OMA1: variants seen among roughly 807,000 people sequenced by gnomAD.
OMA1 encodes OMA1 zinc metallopeptidase.
Under a neutral mutation model 30.9 loss-of-function variants are expected in OMA1, and 38 were observed. That is an observed-to-expected ratio of 1.23 (90% CI 0.95 to 1.61). OMA1 has a LOEUF of 1.61. Ranked by LOEUF, OMA1 falls within the 40% of genes most tolerant of loss-of-function variation. OMA1 has a pLI of 0.00. For synonymous variants in OMA1, 173 were observed against 121.9 expected (o/e 1.42, Z -2.76); for missense variants, 461 against 349.2 (o/e 1.32, Z -2.55).
At chr1:58,542,222 T>C (rs1646633921) in intron 1 of OMA1, among the ~76,000 whole-genome samples, 1 of 152,180 alleles carries the variant, frequency 6.6e-6, no homozygotes, top group Non-Finnish European at 1.5e-5. Flanking sequence ...TATATAATAG[T>C]TTGACATTAT....
At chr1:58,533,875 A>G (rs188625753) in intron 5 of OMA1, 78 bp downstream of exon 5, 41 of 795,196 alleles carry the variant, frequency 5.2e-5, no homozygotes, top group Non-Finnish European at 8.1e-5. Flanking sequence ...ACCTGAAAAA[A>G]ATCAGTTCTT....
At chr1:58,507,063 G>C (rs1262594779) in intron 7 of OMA1, among the ~76,000 whole-genome samples, 1 of 151,970 alleles carries the variant, frequency 6.6e-6, no homozygotes, top group Non-Finnish European at 1.5e-5. Context: ...GTATCTGATA[G>C]TGGAGAGGGA....
At chr1:58,519,585 A>G (rs549642210) in intron 7 of OMA1, among the ~76,000 whole-genome samples, 57 of 152,296 alleles carry the variant, frequency 3.7e-4, no homozygotes, top group South Asian at 2.1e-3. Context: ...TGGAAAAAAA[A>G]AATATATCAT....
chr1:58,490,784 T>G (rs567186799), intron 8 of OMA1, among the ~76,000 whole-genome samples: 11 of 135,170 alleles, frequency 8.1e-5, no homozygotes, highest in Non-Finnish European at 1.3e-4. Context: ...TGGGGGCCAA[T>G]AGTCAACATT....
chr1:58,526,163 T>C (rs768351662), intron 7 of OMA1, among the ~76,000 whole-genome samples: 1 of 152,128 alleles, frequency 6.6e-6, no homozygotes, highest in Non-Finnish European at 1.5e-5. Flanking sequence ...CTGGAGTACA[T>C]GAAAATTAGG....
chr1:58,497,737 A>C (rs1189451070), intron 8 of OMA1, among the ~76,000 whole-genome samples: 1 of 152,182 alleles, frequency 6.6e-6, no homozygotes. Context: ...GGAAACTCTT[A>C]TCAACAAAGA....
At position 58,538,746 on chromosome 1, in the gene OMA1, T is replaced by G. The variant is rs183603217; in HGVS notation, c.500+49A>C. ...AAGTTAATACGTTAGCACAAAATAT[T>G]AATGCAAAAAGTTAATATAAAAGTT... On this transcript the variant is annotated intron_variant, in intron 2 of 8. Coordinates refer to ENST00000371226, the MANE Select transcript of OMA1 (RefSeq NM_145243.5). The G allele has an allele frequency of 5.7e-4, 401 of 708,324 alleles. 4 individuals are homozygous for G. The East Asian group carries it at 9.8e-3, about 17-fold the overall frequency. 43.9% of individuals were successfully genotyped at this position (708,324 alleles called of 1,614,324 possible).
intron 7 of OMA1, among the ~76,000 whole-genome samples, chr1:58,507,710 T>C (rs1455628642): frequency 6.6e-6 from 1 of 152,098 alleles, no homozygotes; most frequent in Admixed American, 6.5e-5. Flanking sequence ...GTGTAAAATA[T>C]GTATGTAACA....
intron 5 of OMA1, among the ~76,000 whole-genome samples, chr1:58,531,090 C>CACAG (rs989302291): frequency 1.2e-4 from 19 of 152,118 alleles, no homozygotes; most frequent in Admixed American, 1.0e-3. Context: ...CCCAGATTTG[C>CACAG]ACAGCTATTA....
intron 5 of OMA1, among the ~76,000 whole-genome samples, chr1:58,532,503 ATTTG>A (rs1323244407): frequency 3.3e-5 from 5 of 152,256 alleles, no homozygotes; most frequent in South Asian, 4.1e-4. Context: ...TCTTGTGTAT[ATTTG>A]TTTAAGAAAA....
rs2100473802 is a variant in OMA1, at chr1:58,530,675, T to C, written c.1066A>G (p.Thr356Ala). 1 of 872,840 alleles carries C rather than the reference T, an allele frequency of 1.1e-6. No individual in the cohort carries two copies. The highest frequency in any genetic ancestry group is 2.4e-5 in the East Asian group (1 of 41,666). The allele number at this position is 872,840 out of a possible 1,614,324, so 54.1% of individuals were successfully genotyped here. A position where few individuals can be genotyped will look rare whatever the true frequency, so the allele number is the denominator to read the frequency against. Residue 356 changes from threonine to alanine, a missense_variant, in exon 6 of 9, where the codon ACA becomes GCA. Thr to Ala is a moderately conservative substitution (Grantham distance 58, BLOSUM62 0). Coordinates refer to ENST00000371226, the MANE Select transcript of OMA1 (RefSeq NM_145243.5). ...CGAGGACAAATGGCCCAAATCATTGTGAGGAAAATCATACCTAGGAAATCC... is the reference window on the plus strand; with the variant it reads ...CGAGGACAAATGGCCCAAATCATTGCGAGGAAAATCATACCTAGGAAATCC... ...LLDFLGMIFLTMIWAICPRDS... is the reference protein window; with the variant it reads ...LLDFLGMIFLAMIWAICPRDS...
chr1:58,490,059 C>T (rs1645651466), intron 8 of OMA1, among the ~76,000 whole-genome samples: 2 of 152,206 alleles, frequency 1.3e-5, no homozygotes, highest in Non-Finnish European at 2.9e-5. Context: ...AGGAACACAG[C>T]TCGTCACCAG....
intron 7 of OMA1, among the ~76,000 whole-genome samples, chr1:58,521,729 A>T (rs575922173): frequency 6.6e-6 from 1 of 152,304 alleles, no homozygotes; most frequent in Non-Finnish European, 1.5e-5. Flanking sequence ...GAAAAATCTG[A>T]ATAGTTCTAT....
chr1:58,487,079 T>TTGAGGTGAAACGTGACATCG (rs1645588976), intron 8 of OMA1, among the ~76,000 whole-genome samples: 1 of 152,118 alleles, frequency 6.6e-6, no homozygotes, highest in African/African-American at 2.4e-5. Context: ...TTGTTAGGAG[T>TTGAGGTGAAACGTGACATCG]TGAGGTGAAA....
At chr1:58,529,141 C>A (rs1279519057) in intron 6 of OMA1, among the ~76,000 whole-genome samples, 1 of 152,084 alleles carries the variant, frequency 6.6e-6, no homozygotes, top group Admixed American at 6.6e-5. Context: ...TCTTTAAGAA[C>A]CTTTACTTCA....
chr1:58,486,742 A>G (rs618932), intron 8 of OMA1, among the ~76,000 whole-genome samples: 151,420 of 152,336 alleles, frequency 0.99, 75,262 homozygotes, highest in Middle Eastern at 1. Context: ...TATGGGATCA[A>G]AGAAAGCCTC....
At chr1:58,490,658 A>T (rs571418200) in intron 8 of OMA1, among the ~76,000 whole-genome samples, 55 of 152,242 alleles carry the variant, frequency 3.6e-4, no homozygotes, top group African/African-American at 1.3e-3. Flanking sequence ...ACCAAAGTTG[A>T]AATGAAGGAA....
In OMA1 at chr1:58,538,861, G is replaced by A. The variant is rs146607426; in HGVS notation, c.434C>T (p.Ala145Val). Residue 145 changes from alanine (A) to valine (V), a missense_variant, in exon 2 of 9, where the codon GCT (alanine) becomes GTT (valine). By Grantham distance (64) the Ala-to-Val change is moderately conservative. Coordinates refer to ENST00000371226, the MANE Select transcript of OMA1 (RefSeq NM_145243.5). ...AATCATCAACAAGAGAGGAACCGGA[G>A]CAGCTTGAAACCGTGGAGAAGTATG... ...NFHTSPRFQA[A>V]PVPLLLMILK... is the part of the protein sequence containing the mutation. 4 of 871,798 alleles carry A rather than the reference G, an allele frequency of 4.6e-6. No homozygotes were observed. The highest frequency in any genetic ancestry group is 8.0e-6 in the Non-Finnish European group (4 of 501,352). 54.0% of individuals were successfully genotyped at this position (871,798 alleles called of 1,614,324 possible). A position where few individuals can be genotyped will look rare whatever the true frequency, so the allele number is the denominator to read the frequency against.
At chr1:58,494,730 C>T (rs1164113660) in intron 8 of OMA1, among the ~76,000 whole-genome samples, 2 of 152,084 alleles carry the variant, frequency 1.3e-5, no homozygotes, top group African/African-American at 4.8e-5. Flanking sequence ...TACCATCTCA[C>T]ACCAGTTAGA....
Sources: allele counts gnomAD v4.1 joint callset (sites outside exome capture counted in the v4.1 genomes callset), GRCh38; gene constraint gnomAD v4.1.1; transcripts MANE v1.5; gene names NCBI Gene and HGNC (gene_info 2026-07-23, HGNC 2026-07-21).